The following BASP1 variants were observed in gnomAD, a reference collection of about 807,000 sequenced individuals.
The protein encoded by BASP1 is brain acid soluble protein 1.
In BASP1, 1 loss-of-function variant was observed where a neutral mutation model predicts 2.2. That is an observed-to-expected ratio of 0.46 (90% CI 0.16 to 2.17). The LOEUF is 2.17. Ranked by LOEUF, BASP1 falls within the 30% of genes most tolerant of loss-of-function variation. BASP1 has a pLI of 0.27. For missense variants in BASP1, 352 were observed against 327.2 expected, an observed-to-expected ratio of 1.08 and a Z score of -0.58; for synonymous variants, 187 against 154.2, an observed-to-expected ratio of 1.21 and a Z score of -1.58.
intron 1 of BASP1, among the ~76,000 whole-genome samples, chr5:17,262,094 T>C (rs1018291567): frequency 3.3e-5 from 5 of 152,172 alleles, no homozygotes; most frequent in Non-Finnish European, 7.3e-5. Context: ...ATCTTTTCCT[T>C]TCTAACTCCT....
chr5:17,232,265 G>A (rs544161955), intron 1 of BASP1, among the ~76,000 whole-genome samples: 18 of 152,288 alleles, frequency 1.2e-4, no homozygotes, highest in East Asian at 9.6e-4. Flanking sequence ...TACACTCCTC[G>A]TCTGTCCTTC....
At chr5:17,256,892 A>T (rs546525967) in intron 1 of BASP1, among the ~76,000 whole-genome samples, 2 of 152,282 alleles carry the variant, frequency 1.3e-5, no homozygotes, top group African/African-American at 4.8e-5. Context: ...TGGAAAAAAA[A>T]ATATTTCTAG....
intron 1 of BASP1, among the ~76,000 whole-genome samples, chr5:17,239,035 T>A (rs1216644518): frequency 6.6e-6 from 1 of 152,074 alleles, no homozygotes; most frequent in African/African-American, 2.4e-5. Flanking sequence ...ACCACACAAT[T>A]CCCTTCCTTA....
intron 1 of BASP1, among the ~76,000 whole-genome samples, chr5:17,255,186 A>T (rs1740183114): frequency 6.6e-6 from 1 of 152,140 alleles, no homozygotes; most frequent in South Asian, 2.1e-4. Flanking sequence ...AGATACCTGG[A>T]ATTTTGGAGA....
chr5:17,259,483 C>T lies in BASP1; in HGVS notation c.-9-15725C>T, dbSNP rs566402010. Among the ~76,000 whole-genome samples, 23 of 152,012 alleles carry T rather than the reference C, an allele frequency of 1.5e-4. No homozygotes were observed. In the South Asian group the frequency reaches 4.6e-3, roughly 30 times the overall value. On this transcript the variant is annotated intron_variant, in intron 1 of 1. Transcript: ENST00000322611. ...AAACCCCTGTTAGTGCTGAACATGA[C>T]AAAGGAAAAAGCAAATTCTTTGTTT... is the stretch of plus-strand genomic sequence containing the variant.
chr5:17,263,405 G>A (rs937859253), intron 1 of BASP1, among the ~76,000 whole-genome samples: 1 of 152,100 alleles, frequency 6.6e-6, no homozygotes, highest in South Asian at 2.1e-4. Context: ...AAAGTCCTGG[G>A]ATTACAGGCA....
chr5:17,249,381 G>A (rs1740056555), intron 1 of BASP1, among the ~76,000 whole-genome samples: 1 of 152,098 alleles, frequency 6.6e-6, no homozygotes, highest in Non-Finnish European at 1.5e-5. Flanking sequence ...GCAACATTCA[G>A]GGCCTTCTGC....
chr5:17,275,807 C>T lies in BASP1; in HGVS notation c.591C>T (p.Pro197=). The change falls in exon 2 of 2, where the codon CCC becomes CCT. Residue 197 remains proline, a synonymous_variant. Coordinates refer to ENST00000322611, the MANE Select transcript of BASP1 (RefSeq NM_006317.5). The surrounding 1 kb of genome is among the most constrained non-coding windows in gnomAD (Gnocchi z 5.3). Reference sequence around the variant, plus strand: ...CCACGGAAGCGCCTAGTTCCACACCCAAGGCCCAGGGCCCCGCAGCCTCTG... The same window carrying T: ...CCACGGAAGCGCCTAGTTCCACACCTAAGGCCCAGGGCCCCGCAGCCTCTG... ...PAATEAPSST[P]KAQGPAASAE... The T allele has an allele frequency of 6.2e-7, 1 of 1,612,680 alleles. No individual in the cohort carries two copies. Among genetic ancestry groups the T allele is most frequent in the Non-Finnish European group, 8.5e-7 (1 of 1,179,530 alleles).
rs996223513 is a variant in BASP1 at position 17,250,668 on chromosome 5, G to A, written c.-9-24540G>A. Among the ~76,000 whole-genome samples the A allele has an allele frequency of 3.3e-5, 5 of 152,168 alleles. No individual in the cohort carries two copies. The East Asian group carries it at 7.8e-4, about 24-fold the overall frequency. On this transcript the variant is annotated intron_variant, in intron 1 of 1. Coordinates refer to ENST00000322611, the MANE Select transcript of BASP1 (RefSeq NM_006317.5). ...CGCCCAGGCTGGAGTGCAGTGGCCC[G>A]ATCTCGGCTCACTGTAAGCTCCACC...
At chr5:17,259,663 C>T (rs183072709) in intron 1 of BASP1, among the ~76,000 whole-genome samples, 8 of 152,016 alleles carry the variant, frequency 5.3e-5, no homozygotes, top group South Asian at 2.1e-4. Flanking sequence ...TTTAGGTGGT[C>T]GTGAAAAGTG....
chr5:17,222,145 A>G (rs1382104097), intron 1 of BASP1, among the ~76,000 whole-genome samples: 1 of 152,060 alleles, frequency 6.6e-6, no homozygotes. Flanking sequence ...CCCCAGGAGT[A>G]TTAAGTTAGA....
intron 1 of BASP1, among the ~76,000 whole-genome samples, chr5:17,262,267 C>T (rs545181510): frequency 6.6e-6 from 1 of 152,308 alleles, no homozygotes; most frequent in East Asian, 1.9e-4. Context: ...GACATTTCCT[C>T]TTTGTTCCCT....
chr5:17,249,796 G>A (rs1322077227), intron 1 of BASP1, among the ~76,000 whole-genome samples: 1 of 151,956 alleles, frequency 6.6e-6, no homozygotes, highest in African/African-American at 2.4e-5. Context: ...CCCACAACTT[G>A]ATCTAAGTCT....
At chr5:17,273,902 C>G (rs1400498965) in intron 1 of BASP1, among the ~76,000 whole-genome samples, 2 of 152,088 alleles carry the variant, frequency 1.3e-5, no homozygotes, top group Non-Finnish European at 2.9e-5. Context: ...GAAAAGCAAC[C>G]ATTTTCTTTG....
intron 1 of BASP1, among the ~76,000 whole-genome samples, chr5:17,252,313 C>T (rs1269326622): frequency 2.6e-5 from 4 of 152,184 alleles, no homozygotes; most frequent in African/African-American, 9.7e-5. Context: ...AAGGGCGCCA[C>T]AAGACCATGT....
intron 1 of BASP1, among the ~76,000 whole-genome samples, chr5:17,256,515 A>G (rs964921790): frequency 6.6e-6 from 1 of 152,218 alleles, no homozygotes; most frequent in Admixed American, 6.5e-5. Context: ...ATACATTATT[A>G]CTGCACGTTT....
intron 1 of BASP1, among the ~76,000 whole-genome samples, chr5:17,220,886 CAG>C (rs1313377966): frequency 6.6e-6 from 1 of 152,116 alleles, no homozygotes; most frequent in African/African-American, 2.4e-5. Flanking sequence ...AGTATGACAT[CAG>C]AGAGAAACTT....
chr5:17,226,017 G>T (rs1739495308), intron 1 of BASP1, among the ~76,000 whole-genome samples: 1 of 152,112 alleles, frequency 6.6e-6, no homozygotes, highest in Non-Finnish European at 1.5e-5. Context: ...TTTGTGTTTG[G>T]ATAATCTGTG....
At chr5:17,254,190 G>A (rs916066678) in intron 1 of BASP1, among the ~76,000 whole-genome samples, 1 of 99,060 alleles carries the variant, frequency 1.0e-5, no homozygotes, top group Non-Finnish European at 2.0e-5. Context: ...TAATTAATTT[G>A]CAAATAGTCA....
Sources: allele counts gnomAD v4.1 joint callset (sites outside exome capture counted in the v4.1 genomes callset), GRCh38; gene constraint gnomAD v4.1.1; non-coding constraint Gnocchi (gnomAD v3.1); transcripts MANE v1.5; gene names NCBI Gene and HGNC (gene_info 2026-07-23, HGNC 2026-07-21).